BNC2: variants seen among roughly 807,000 people sequenced by gnomAD.
BNC2 encodes the protein basonuclin zinc finger protein 2, also known as zinc finger protein basonuclin-2.
BNC2 carries 20 observed loss-of-function variants against 76.3 expected under a neutral mutation model. The ratio of observed to expected loss-of-function variants is 0.26; its 90% CI spans 0.18 to 0.38. The LOEUF is 0.38. BNC2 is among the 10% of genes least tolerant of loss of function. BNC2 has a pLI of 1.00. For synonymous variants in BNC2, 582 were observed against 514.8 expected (o/e 1.13, Z -1.77); for missense variants, 1,382 against 1,399.8 (o/e 0.99, Z 0.20).
At chr9:16,514,571 T>C (rs1310005098) in intron 5 of BNC2, among the ~76,000 whole-genome samples, 1 of 152,246 alleles carries the variant, frequency 6.6e-6, no homozygotes, top group Non-Finnish European at 1.5e-5. Context: ...CAATCTGTTA[T>C]CTGTATCATA....
chr9:16,709,549 C>T (rs377305812), intron 3 of BNC2, among the ~76,000 whole-genome samples: 9 of 152,218 alleles, frequency 5.9e-5, no homozygotes, highest in African/African-American at 1.7e-4. Context: ...TGTTAAAGAA[C>T]TCAGATGCCA....
intron 5 of BNC2, among the ~76,000 whole-genome samples, chr9:16,515,080 A>T (rs186552058): frequency 6.6e-6 from 1 of 152,226 alleles, no homozygotes; most frequent in Non-Finnish European, 1.5e-5. Context: ...GGCTATTTAC[A>T]TAATTCTTGC....
chr9:16,849,352 A>ATTTTTTTTT (rs35561834), intron 1 of BNC2, among the ~76,000 whole-genome samples: 10 of 90,104 alleles, frequency 1.1e-4, no homozygotes, highest in African/African-American at 2.3e-4. Flanking sequence ...CATGCAAAAG[A>ATTTTTTTTT]TTTTTTTTTT....
rs927975197 is a variant in BNC2 at position 16,567,218 on chromosome 9, T to C, written c.434-14453A>G. Among the ~76,000 whole-genome samples the C allele has an allele frequency of 2.6e-5, 4 of 152,168 alleles. No individual in the cohort carries two copies. The South Asian group carries it at 6.2e-4, about 24-fold the overall frequency. On this transcript the variant is annotated intron_variant, in intron 4 of 6. Coordinates refer to ENST00000380672, the MANE Select transcript of BNC2 (RefSeq NM_017637.6). Reference sequence around the variant, plus strand: ...AAAACTCATTTATGTGGGAACAGAATTGCCATAAGGACAACAGCTGAGATT... The same window carrying C: ...AAAACTCATTTATGTGGGAACAGAACTGCCATAAGGACAACAGCTGAGATT...
chr9:16,661,909 A>G (rs1329861595), intron 3 of BNC2, among the ~76,000 whole-genome samples: 1 of 152,246 alleles, frequency 6.6e-6, no homozygotes, highest in African/African-American at 2.4e-5. Flanking sequence ...AACTACTTAG[A>G]CAACTCCTTA....
Position 16,648,401 on chromosome 9 carries a change from T to G in BNC2, c.331-65316A>C, listed in dbSNP as rs991497132. On this transcript the variant is annotated intron_variant, in intron 3 of 6. Coordinates refer to ENST00000380672, the MANE Select transcript of BNC2 (RefSeq NM_017637.6). Reference sequence around the variant, plus strand: ...GGGCTAAATAAGGACTGCATGGTGATAGCAGTGATTGAGAACACATCCAGG... The same window carrying G: ...GGGCTAAATAAGGACTGCATGGTGAGAGCAGTGATTGAGAACACATCCAGG... 2.2e-4 allele frequency among the ~76,000 whole-genome samples: 34 copies of G among 152,208 alleles called. 1 individual carries two copies.
At chr9:16,760,291 T>C (rs759859565) in intron 1 of BNC2, among the ~76,000 whole-genome samples, 1 of 152,214 alleles carries the variant, frequency 6.6e-6, no homozygotes, top group Non-Finnish European at 1.5e-5. Flanking sequence ...CCCACACTAT[T>C]GGGTGGAATA....
intron 5 of BNC2, among the ~76,000 whole-genome samples, chr9:16,447,750 T>C (rs1821257819): frequency 6.6e-6 from 1 of 152,078 alleles, no homozygotes; most frequent in Non-Finnish European, 1.5e-5. Context: ...CCCCAAATCA[T>C]ACCAGTAGGG....
intron 3 of BNC2, among the ~76,000 whole-genome samples, chr9:16,647,200 A>G (rs1321824329): frequency 1.3e-5 from 2 of 152,136 alleles, no homozygotes; most frequent in African/African-American, 2.4e-5. Flanking sequence ...GGCACAGCAC[A>G]TGTTCCAATT....
chr9:16,784,807 C>T (rs1826240006), intron 1 of BNC2, among the ~76,000 whole-genome samples: 1 of 152,178 alleles, frequency 6.6e-6, no homozygotes, highest in Admixed American at 6.5e-5. Flanking sequence ...TAAACCACTC[C>T]CCTGCCCTCC....
intron 5 of BNC2, among the ~76,000 whole-genome samples, chr9:16,459,561 C>T (rs991393177): frequency 1.3e-5 from 2 of 152,108 alleles, no homozygotes; most frequent in African/African-American, 4.8e-5. Flanking sequence ...CATTACAATT[C>T]TCCACAGAAA....
At chr9:16,502,339 C>T (rs1822536375) in intron 5 of BNC2, among the ~76,000 whole-genome samples, 1 of 152,180 alleles carries the variant, frequency 6.6e-6, no homozygotes, top group Admixed American at 6.5e-5. Flanking sequence ...CAGAGCAAGA[C>T]TCTGTCTCTA....
chr9:16,751,656 A>ATATGTATC (rs1368349872), intron 1 of BNC2, among the ~76,000 whole-genome samples: 1 of 64,598 alleles, frequency 1.5e-5, no homozygotes, highest in African/African-American at 4.0e-5. Flanking sequence ...GTGTGTATAT[A>ATATGTATC]TATATGTATG....
chr9:16,600,836 C>A (rs1236553745), intron 3 of BNC2, among the ~76,000 whole-genome samples: 1 of 152,130 alleles, frequency 6.6e-6, no homozygotes, highest in Non-Finnish European at 1.5e-5. Context: ...GAGCTAGTAA[C>A]CTGAGGATCT....
rs1272050091 is a variant in BNC2 at position 16,412,079 on chromosome 9, G to A, written c.*6910C>T. ...CATGTATTCTTCCTTTGTACCTTTG[G>A]TCCCCATCACTCGATTTTCTAAAGC... On this transcript the variant is annotated 3_prime_UTR_variant, in exon 7 of 7. Coordinates refer to ENST00000380672, the MANE Select transcript of BNC2 (RefSeq NM_017637.6). The A allele has an allele frequency of 5.2e-5, 8 of 152,630 alleles. No homozygotes were observed. Among genetic ancestry groups the A allele is most frequent in the Middle Eastern group, 6.8e-3 (2 of 294 alleles). 9.5% of individuals were successfully genotyped at this position (152,630 alleles called of 1,614,324 possible).
At chr9:16,449,946 C>T (rs1821307226) in intron 5 of BNC2, among the ~76,000 whole-genome samples, 1 of 151,892 alleles carries the variant, frequency 6.6e-6, no homozygotes, top group African/African-American at 2.4e-5. Context: ...TTCCAAGGTT[C>T]ATCAATTTTA....
At chr9:16,848,747 G>A (rs1819051917) in intron 1 of BNC2, among the ~76,000 whole-genome samples, 1 of 152,160 alleles carries the variant, frequency 6.6e-6, no homozygotes, top group African/African-American at 2.4e-5. Flanking sequence ...CAAGTTTACA[G>A]GCTGAGCATC....
chr9:16,685,030 C>T (rs1289560079), intron 3 of BNC2, among the ~76,000 whole-genome samples: 2 of 152,166 alleles, frequency 1.3e-5, no homozygotes, highest in African/African-American at 2.4e-5. Context: ...TGAATGGCTG[C>T]TGTTCTCCTG....
intron 5 of BNC2, among the ~76,000 whole-genome samples, chr9:16,488,987 C>T (rs1822219698): frequency 6.6e-6 from 1 of 152,126 alleles, no homozygotes; most frequent in Non-Finnish European, 1.5e-5. Flanking sequence ...TAAACCTATA[C>T]ACTAAGACAA....
Sources: allele counts gnomAD v4.1 joint callset (sites outside exome capture counted in the v4.1 genomes callset), GRCh38; gene constraint gnomAD v4.1.1; transcripts MANE v1.5; gene names NCBI Gene and HGNC (gene_info 2026-07-23, HGNC 2026-07-21).